CASP8: variants seen among roughly 807,000 people sequenced by gnomAD.
CASP8 encodes caspase-8.
In CASP8, 24 loss-of-function variants were observed where a neutral mutation model predicts 46.3. The observed-to-expected ratio is 0.52, with a 90% CI of 0.38 to 0.73. The LOEUF is 0.73. CASP8 is among the 30% of genes least tolerant of loss of function. The probability of loss-of-function intolerance (pLI) is 0.00; values close to 1 mark genes in which losing one functional copy is unlikely to be tolerated. For synonymous variants in CASP8, 188 were observed against 200.4 expected, an observed-to-expected ratio of 0.94 and a Z score of 0.52; for missense variants, 460 against 559.0, an observed-to-expected ratio of 0.82 and a Z score of 1.79.
intron 2 of CASP8, among the ~76,000 whole-genome samples, chr2:201,254,495 G>T (rs1249553716): frequency 6.6e-6 from 1 of 152,162 alleles, no homozygotes; most frequent in East Asian, 1.9e-4. Flanking sequence ...AAGGAAAGGG[G>T]AGCGGCCCCG....
At chr2:201,276,466 G>C (rs1948639466) in intron 6 of CASP8, among the ~76,000 whole-genome samples, 1 of 152,182 alleles carries the variant, frequency 6.6e-6, no homozygotes, top group African/African-American at 2.4e-5. Flanking sequence ...TCTTGATTGA[G>C]CTCTCACAAG....
chr2:201,238,018 G>A (rs536857358), intron 2 of CASP8, among the ~76,000 whole-genome samples: 13 of 152,246 alleles, frequency 8.5e-5, no homozygotes, highest in African/African-American at 2.7e-4. Context: ...CAAGAAGAAC[G>A]TGAATGAAAG....
intron 2 of CASP8, among the ~76,000 whole-genome samples, chr2:201,253,597 T>C (rs1946884778): frequency 6.6e-6 from 1 of 152,130 alleles, no homozygotes; most frequent in Non-Finnish European, 1.5e-5. Flanking sequence ...ACGACGTGAA[T>C]GTACTTGATG....
At chr2:201,258,623 C>T (rs1301322349), upstream of CASP8, among the ~76,000 whole-genome samples, 1 of 152,194 alleles carries the variant, frequency 6.6e-6, no homozygotes, top group Non-Finnish European at 1.5e-5. Context: ...TTTTTGTCCT[C>T]CAAGCTTCCC....
chr2:201,258,064 A>G, upstream of CASP8: 2 of 732,428 alleles, frequency 2.7e-6, no homozygotes, highest in South Asian at 3.2e-5. Flanking sequence ...TTAGGAGTAA[A>G]GTTTACCCTG....
At chr2:201,263,287 C>T (rs73988725) in intron 1 of CASP8, among the ~76,000 whole-genome samples, 3,062 of 152,208 alleles carry the variant, frequency 0.02, 105 homozygotes, top group African/African-American at 0.068. Flanking sequence ...TAAAGATTTG[C>T]GTTTTAAAGT....
chr2:201,241,291 A>T (rs1054785270), intron 2 of CASP8: 6 of 152,180 alleles, frequency 3.9e-5, no homozygotes, highest in African/African-American at 1.4e-4. Flanking sequence ...TGAAAAGATA[A>T]ACAAAATCAA....
At chr2:201,277,637 G>GT (rs1395497489) in intron 7 of CASP8, 11 of 383,176 alleles carry the variant, frequency 2.9e-5, no homozygotes, top group Non-Finnish European at 3.5e-5. Context: ...GCAAATGGAG[G>GT]TAAGTTTAGA....
intron 2 of CASP8, among the ~76,000 whole-genome samples, chr2:201,251,902 C>T (rs13429108): frequency 0.053 from 7,885 of 149,830 alleles, 317 homozygotes; most frequent in South Asian, 0.15. Flanking sequence ...GAGACTCCGT[C>T]TAAAAAAAAA....
chr2:201,239,370 A>G (rs567992475), intron 2 of CASP8, among the ~76,000 whole-genome samples: 8 of 152,178 alleles, frequency 5.3e-5, no homozygotes, highest in South Asian at 4.1e-4. Flanking sequence ...CTCATCTCCC[A>G]GACGGGGCGG....
At position 201,274,851 on chromosome 2, in the gene CASP8, C is replaced by T. The variant is rs181699083; in HGVS notation, c.596-38C>T. On this transcript the variant is annotated intron_variant, in intron 5 of 8. Transcript: ENST00000673742. ...TTCATTACCAGTGTACCTTTCCTGC[C>T]ATGTCTCATTCTAGATGTGTCTCTT... 4.8e-5 allele frequency: 72 copies of T among 1,486,858 alleles called. 1 individual carries two copies. The African/African-American group carries it at 8.7e-4, about 18-fold the overall frequency. 92.1% of individuals were successfully genotyped at this position (1,486,858 alleles called of 1,614,324 possible).
intron 2 of CASP8, among the ~76,000 whole-genome samples, chr2:201,247,914 G>A (rs977254032): frequency 8.5e-5 from 13 of 152,168 alleles, no homozygotes; most frequent in African/African-American, 2.9e-4. Context: ...AAAGTGCTGG[G>A]ATTACAGGCG....
At chr2:201,257,406 C>G (rs1299167404), upstream of CASP8, among the ~76,000 whole-genome samples, 1 of 148,002 alleles carries the variant, frequency 6.8e-6, no homozygotes, top group African/African-American at 2.5e-5. Flanking sequence ...CACCTGAACT[C>G]AGGAGGTGGA....
chr2:201,271,425 G>T, intron 2 of CASP8, 91 bp from the exon 3 acceptor site: 1 of 806,560 alleles, frequency 1.2e-6, no homozygotes, highest in East Asian at 2.4e-5. Flanking sequence ...TTGAAGGGAG[G>T]CCTTTGGAAT....
chr2:201,280,411 T>G (rs1036764906), intron 7 of CASP8, among the ~76,000 whole-genome samples: 2 of 152,148 alleles, frequency 1.3e-5, no homozygotes, highest in Non-Finnish European at 2.9e-5. Flanking sequence ...GGATTAAGAT[T>G]CACTTCCAAA....
chr2:201,282,783 T>C (rs1345731938), intron 7 of CASP8, among the ~76,000 whole-genome samples: 1 of 80,032 alleles, frequency 1.2e-5, no homozygotes, highest in Non-Finnish European at 2.9e-5. Context: ...GAGGCGCCCC[T>C]CACCTCCCGG....
chr2:201,276,529 G>GTA (rs1948642681), intron 6 of CASP8, among the ~76,000 whole-genome samples: 1 of 152,300 alleles, frequency 6.6e-6, no homozygotes, highest in African/African-American at 2.4e-5. Flanking sequence ...GGAGTCTTCT[G>GTA]TATAGTATGG....
chr2:201,241,569 C>T (rs1164207740), intron 2 of CASP8: 1 of 152,174 alleles, frequency 6.6e-6, no homozygotes, highest in Non-Finnish European at 1.5e-5. Flanking sequence ...AAATGTTCCC[C>T]AAACGAAGAA....
chr2:201,280,228 G>A (rs1948916012), intron 7 of CASP8, among the ~76,000 whole-genome samples: 1 of 152,048 alleles, frequency 6.6e-6, no homozygotes, highest in Non-Finnish European at 1.5e-5. Flanking sequence ...GTCTAAGGAA[G>A]TAGGATAAAA....
Sources: allele counts gnomAD v4.1 joint callset (sites outside exome capture counted in the v4.1 genomes callset), GRCh38; gene constraint gnomAD v4.1.1; transcripts MANE v1.5; gene names NCBI Gene and HGNC (gene_info 2026-07-23, HGNC 2026-07-21).